EHD2: variants seen among roughly 807,000 people sequenced by gnomAD.
The protein encoded by EHD2 is EH domain-containing protein 2.
EHD2 carries 27 observed loss-of-function variants against 41.0 expected under a neutral mutation model. That is an observed-to-expected ratio of 0.66 (90% CI 0.49 to 0.91). The LOEUF (loss-of-function observed/expected upper bound fraction) is 0.91. Among genes scored for constraint, EHD2 ranks in the 40% least tolerant of loss-of-function variants. The pLI, the probability that EHD2 is intolerant of heterozygous loss-of-function variation, is 0.00. For synonymous variants in EHD2, 342 were observed against 341.0 expected (o/e 1.00, Z -0.03); for missense variants, 673 against 773.9 (o/e 0.87, Z 1.55).
intron 5 of EHD2, among the ~76,000 whole-genome samples, chr19:47,738,923 T>A (rs1446390146): frequency 6.6e-6 from 1 of 152,102 alleles, no homozygotes; most frequent in Non-Finnish European, 1.5e-5. Context: ...AGTCCACCCC[T>A]ACACCCCAAA....
At chr19:47,739,495 G>C (rs1404222467) in intron 5 of EHD2, among the ~76,000 whole-genome samples, 2 of 149,778 alleles carry the variant, frequency 1.3e-5, no homozygotes, top group Admixed American at 1.3e-4. Flanking sequence ...CAGCTACTTG[G>C]GAGTCTGAGC....
At chr19:47,731,279 A>AAAAAAAAAAATATATATATATAT in intron 4 of EHD2, 1 of 60,928 alleles carries the variant, frequency 1.6e-5, no homozygotes, top group Non-Finnish European at 3.7e-5. Flanking sequence ...AAAAAAAAAA[A>AAAAAAAAAAATATATATATATAT]ATATATATAT....
intron 3 of EHD2, among the ~76,000 whole-genome samples, chr19:47,722,007 AAAACACAC>A (rs1200475715): frequency 1.6e-5 from 2 of 121,888 alleles, no homozygotes; most frequent in African/African-American, 6.4e-5. Flanking sequence ...ACAGAAAAAC[AAAACACAC>A]ACACACACAC....
intron 4 of EHD2, among the ~76,000 whole-genome samples, chr19:47,735,499 G>A (rs1484796327): frequency 2.0e-5 from 3 of 152,092 alleles, no homozygotes; most frequent in African/African-American, 7.2e-5. Context: ...TTGAGAGGCT[G>A]AGGCGGGAGG....
In EHD2 at chr19:47,740,476, G is replaced by A. The variant is rs925563811; in HGVS notation, c.1081-405G>A. On this transcript the variant is annotated intron_variant, in intron 5 of 5. Transcript: ENST00000263277. ...CAAAACAAAACAAAAATGGCTGGGC[G>A]CGGTGGCTCATGCCTGTAATCCCAG... Among the ~76,000 whole-genome samples the A allele has an allele frequency of 7.2e-5, 11 of 151,918 alleles. No individual in the cohort carries two copies. In the East Asian group the frequency reaches 9.7e-4, roughly 13 times the overall value.
rs187964689 is a variant in EHD2 at position 47,715,215 on chromosome 19, C to G, written c.-55-1343C>G. Among the ~76,000 whole-genome samples, 4 of 152,164 alleles carry G rather than the reference C, an allele frequency of 2.6e-5. No homozygotes were observed. The East Asian group carries it at 7.7e-4, about 29-fold the overall frequency. On this transcript the variant is annotated intron_variant, in intron 1 of 5. Transcript: ENST00000263277. ...CATTATTTTTCTTGTTAACACCCAA[C>G]AGCCCTCATGACCTGGGTGCACCCA... is the stretch of plus-strand genomic sequence containing the variant.
At chr19:47,720,574 C>CGT (rs138176289) in intron 3 of EHD2, among the ~76,000 whole-genome samples, 2,954 of 150,170 alleles carry the variant, frequency 0.02, 77 homozygotes, top group African/African-American at 0.066. Context: ...TATATTGTGA[C>CGT]GTGTGTGTGT....
rs1369790123 is a variant in EHD2 at position 47,740,967 on chromosome 19, C to T, written c.1167C>T (p.Asp389=). 4 of 1,612,412 alleles carry T rather than the reference C, an allele frequency of 2.5e-6. No homozygotes were observed. The highest frequency in any genetic ancestry group is 1.3e-5 in the African/African-American group (1 of 74,938). Residue 389 remains aspartate (D), a synonymous_variant, in exon 6 of 6, where the codon GAC becomes GAT. Coordinates refer to ENST00000263277, the MANE Select transcript of EHD2 (RefSeq NM_014601.4). ...LEALDEMLTH[D]IAKLMPLLRQ... ...CACTGGACGAGATGCTGACGCACGA[C>T]ATCGCCAAGCTCATGCCCCTGCTGC...
At chr19:47,740,695 G>A (rs774299499) in intron 5 of EHD2, among the ~76,000 whole-genome samples, 186 bp from the exon 6 acceptor site, 1 of 152,136 alleles carries the variant, frequency 6.6e-6, no homozygotes, top group Non-Finnish European at 1.5e-5. Flanking sequence ...GCAGTGAGCC[G>A]AGATTGTGCC....
At chr19:47,721,964 G>A (rs182201387) in intron 3 of EHD2, among the ~76,000 whole-genome samples, 149 of 151,674 alleles carry the variant, frequency 9.8e-4, no homozygotes, top group African/African-American at 3.4e-3. Flanking sequence ...CAGCCTGGGC[G>A]ATAGAGTGAG....
intron 3 of EHD2, 67 bp downstream of exon 3, chr19:47,718,673 G>A: frequency 7.2e-7 from 1 of 1,380,372 alleles, no homozygotes; most frequent in Non-Finnish European, 9.8e-7. Context: ...GGGTCTGAGG[G>A]AGGAGGGACT....
chr19:47,739,744 TG>T (rs1426065039), intron 5 of EHD2, among the ~76,000 whole-genome samples: 1 of 151,170 alleles, frequency 6.6e-6, no homozygotes, highest in Non-Finnish European at 1.5e-5. Context: ...CACCCAAGCC[TG>T]CTGAGTTTTT....
chr19:47,727,385 C>G (rs964832641), intron 4 of EHD2, among the ~76,000 whole-genome samples: 7 of 152,260 alleles, frequency 4.6e-5, no homozygotes, highest in Admixed American at 3.3e-4. Context: ...GCGTGAGCCA[C>G]CGCGCCAGGC....
Position 47,716,856 on chromosome 19 carries a change from G to A in EHD2, c.244G>A (p.Glu82Lys). Residue 82 changes from glutamate (E) to lysine (K), a missense_variant, in exon 2 of 6, where the codon GAG becomes AAG. Transcript: ENST00000263277. ...CTTCATCCAGTACCTGCTGGAGCAG[G>A]AGGTGCCCGGCTCCCGCGTGGGGCC... ...TSFIQYLLEQ[E>K]VPGSRVGPEP... 1.2e-6 allele frequency: 2 copies of A among 1,611,044 alleles called. No individual in the cohort carries two copies. Among genetic ancestry groups the A allele is most frequent in the South Asian group, 1.1e-5 (1 of 90,722 alleles).
intron 1 of EHD2, among the ~76,000 whole-genome samples, chr19:47,714,444 AG>A (rs1973604661): frequency 6.6e-6 from 1 of 152,210 alleles, no homozygotes; most frequent in South Asian, 2.1e-4. Context: ...TTTTAAAAAA[AG>A]CAAATACCCA....
intron 4 of EHD2, among the ~76,000 whole-genome samples, chr19:47,728,115 A>AAG (rs1973771216): frequency 6.7e-6 from 1 of 150,226 alleles, no homozygotes; most frequent in South Asian, 2.1e-4. Context: ...AAAAAAAAAA[A>AAG]GATGAATTTA....
rs770633362 is a variant in EHD2 at position 47,716,943 on chromosome 19, G to A, written c.331G>A (p.Gly111Ser). The A allele has an allele frequency of 6.2e-6, 10 of 1,608,730 alleles. No homozygotes were observed. The highest frequency in any genetic ancestry group is 3.3e-5 in the Admixed American group (2 of 60,024). The change falls in exon 2 of 6, where the codon GGC (glycine) becomes AGC (serine). Residue 111 changes from glycine to serine, a missense_variant. By Grantham distance (56) the Gly-to-Ser change is moderately conservative. Coordinates refer to ENST00000263277, the MANE Select transcript of EHD2 (RefSeq NM_014601.4). The stretch of plus-strand genomic sequence containing the variant: ...CGGGGACACTGAGGGCACCGTGCCC[G>A]GCAACGCCCTCGTCGTGGACCCGGA... ...MHGDTEGTVP[G>S]NALVVDPDKP...
At chr19:47,734,557 G>A (rs1016631925) in intron 4 of EHD2, among the ~76,000 whole-genome samples, 3 of 151,848 alleles carry the variant, frequency 2.0e-5, no homozygotes, top group Non-Finnish European at 4.4e-5. Flanking sequence ...TTTGAGACCA[G>A]CCTGGCCAAC....
In EHD2 at chr19:47,718,754, T is replaced by TG. The variant is rs1205095218; in HGVS notation, c.502+152dup. ...CTCCTGGGTCTGAGGGAGGAGGGGCTGGGGTCTGGACTCCTGGATCTGAGG... is the reference window on the plus strand; with the variant it reads ...CTCCTGGGTCTGAGGGAGGAGGGGCTGGGGGTCTGGACTCCTGGATCTGAGG... On this transcript the variant is annotated intron_variant, in intron 3 of 5. Coordinates refer to ENST00000263277, the MANE Select transcript of EHD2 (RefSeq NM_014601.4). 17 of 500,412 alleles carry TG rather than the reference T, an allele frequency of 3.4e-5. No homozygotes were observed. In the African/African-American group the frequency reaches 5.0e-4, roughly 15 times the overall value. The allele number at this position is 500,412 out of a possible 1,614,324, so 31.0% of individuals were successfully genotyped here. A position where few individuals can be genotyped will look rare whatever the true frequency, so the allele number is the denominator to read the frequency against.
Sources: gnomAD v4.1 joint callset for allele counts (sites outside exome capture counted in the v4.1 genomes callset) on GRCh38, gnomAD v4.1.1 for gene constraint, MANE v1.5 for transcripts, NCBI Gene and HGNC (gene_info 2026-07-23, HGNC 2026-07-21) for gene names.